LRRC37A: variants seen among roughly 807,000 people sequenced by gnomAD.
LRRC37A encodes the protein leucine rich repeat containing 37A.
A neutral mutation model predicts 35.4 loss-of-function variants in LRRC37A; 3 were observed. The ratio of observed to expected loss-of-function variants is 0.08; its 90% CI spans 0.04 to 0.22. The LOEUF is 0.22. Among genes scored for constraint, LRRC37A ranks in the 10% least tolerant of loss-of-function variants. The pLI, the probability that LRRC37A is intolerant of heterozygous loss-of-function variation, is 1.00. For synonymous variants in LRRC37A, 23 were observed against 215.0 expected, an observed-to-expected ratio of 0.11 and a Z score of 7.81; for missense variants, 67 against 565.3, an observed-to-expected ratio of 0.12 and a Z score of 8.94.
At chr17:46,259,303 G>A in the LRRC37A span, among the ~76,000 whole-genome samples, 1 of 151,338 alleles carries the variant, frequency 6.6e-6, no homozygotes, top group Non-Finnish European at 1.5e-5. Context: ...GGCCATGGAA[G>A]ATAACTGGGT....
At chr17:46,285,344 G>T in the LRRC37A span, among the ~76,000 whole-genome samples, 1 of 151,122 alleles carries the variant, frequency 6.6e-6, no homozygotes, top group Non-Finnish European at 1.5e-5. Flanking sequence ...GTGTTCAAGC[G>T]ATTCTCCTGC....
chr17:46,291,987 A>AAT (rs58343188), upstream of LRRC37A, among the ~76,000 whole-genome samples: 3 of 121,198 alleles, frequency 2.5e-5, no homozygotes, highest in African/African-American at 9.2e-5. Flanking sequence ...AAAAAAAAAA[A>AAT]GCCAATAAAA....
upstream of LRRC37A, among the ~76,000 whole-genome samples, chr17:46,287,888 G>T (rs1219211707): frequency 6.6e-6 from 1 of 152,252 alleles, no homozygotes; most frequent in Non-Finnish European, 1.5e-5. Context: ...AAAAGAAAAA[G>T]TAAATGTAAC....
At chr17:46,270,679 C>A in the LRRC37A span, among the ~76,000 whole-genome samples, 2 of 152,164 alleles carry the variant, frequency 1.3e-5, no homozygotes, top group Admixed American at 1.3e-4. Context: ...GAGACCAAGG[C>A]GGGTGGATCA....
At chr17:46,269,186 A>G in the LRRC37A span, among the ~76,000 whole-genome samples, 1 of 152,256 alleles carries the variant, frequency 6.6e-6, no homozygotes, top group Non-Finnish European at 1.5e-5. Context: ...ATGAAACGTC[A>G]TTTAGATCAA....
chr17:46,260,239 G>C, the LRRC37A span: 2 of 1,529,890 alleles, frequency 1.3e-6, no homozygotes, highest in African/African-American at 2.7e-5. Context: ...CACGAGCAGC[G>C]GGCAGGACGG....
Position 46,304,891 on chromosome 17 carries a change from C to T in LRRC37A, c.2754-618C>T, listed in dbSNP as rs527926992. On this transcript the variant is annotated intron_variant, in intron 3 of 13. Transcript: ENST00000320254. ...TGTTTGTTTGTTTGTTTGTTTGAGACGGAATCTCGCTCTGTCGCCCAGGCT... is the reference window on the plus strand; with the variant it reads ...TGTTTGTTTGTTTGTTTGTTTGAGATGGAATCTCGCTCTGTCGCCCAGGCT... 8.9e-5 allele frequency among the ~76,000 whole-genome samples: 6 copies of T among 67,098 alleles called. 1 individual carries two copies. The highest frequency in any genetic ancestry group is 2.3e-4 in the Non-Finnish European group (5 of 21,620). 44.0% of individuals were successfully genotyped at this position (67,098 alleles called of 152,430 possible). A position where few individuals can be genotyped will look rare whatever the true frequency, so the allele number is the denominator to read the frequency against.
At chr17:46,260,401 C>G in the LRRC37A span, 5 of 1,428,542 alleles carry the variant, frequency 3.5e-6, no homozygotes, top group South Asian at 1.2e-5. Flanking sequence ...AGCAGGATAG[C>G]TGGTGCTCAT....
At chr17:46,250,624 A>G in the LRRC37A span, among the ~76,000 whole-genome samples, 1 of 152,206 alleles carries the variant, frequency 6.6e-6, no homozygotes. Flanking sequence ...TGGAACTCAG[A>G]CTGGCTCTCC....
chr17:46,288,008 C>T (rs62073172), upstream of LRRC37A, among the ~76,000 whole-genome samples: 20,918 of 150,496 alleles, frequency 0.14, 1,874 homozygotes, highest in Non-Finnish European at 0.21. Flanking sequence ...CTGGCTTTGC[C>T]GATACCATTG....
the LRRC37A span, among the ~76,000 whole-genome samples, chr17:46,260,813 G>A: frequency 6.6e-6 from 1 of 152,042 alleles, no homozygotes; most frequent in Admixed American, 6.6e-5. Flanking sequence ...AGTAGAGACG[G>A]GGTTTCTCCC....
At chr17:46,266,890 ACG>A in the LRRC37A span, 2 of 327,254 alleles carry the variant, frequency 6.1e-6, no homozygotes, top group Non-Finnish European at 1.1e-5. Flanking sequence ...AAGCCCCGAG[ACG>A]CGCGCGCTCA....
At chr17:46,331,148 A>C (rs550966947) in exon 9 of LRRC37A, 1 of 734,408 alleles carries the variant, frequency 1.4e-6, no homozygotes, top group African/African-American at 1.7e-5. Context: ...TAGAGTTACA[A>C]ATACGAAGAC....
chr17:46,290,169 GC>G (rs1348329874), upstream of LRRC37A, among the ~76,000 whole-genome samples: 2 of 152,194 alleles, frequency 1.3e-5, no homozygotes, highest in Non-Finnish European at 2.9e-5. Context: ...TCACTTGATC[GC>G]CCCGGCTAGA....
At chr17:46,259,034 T>TA in the LRRC37A span, among the ~76,000 whole-genome samples, 1 of 121,044 alleles carries the variant, frequency 8.3e-6, no homozygotes, top group South Asian at 2.6e-4. Context: ...TTTTTTTTTT[T>TA]TTTTTTTTTT....
chr17:46,305,185 AT>A (rs2050500049), intron 3 of LRRC37A, among the ~76,000 whole-genome samples: 1 of 104,090 alleles, frequency 9.6e-6, no homozygotes. Flanking sequence ...TTTTTTTAAT[AT>A]TAGAAATTGT....
chr17:46,248,097 A>G, the LRRC37A span, among the ~76,000 whole-genome samples: 1 of 151,932 alleles, frequency 6.6e-6, no homozygotes, highest in Non-Finnish European at 1.5e-5. Context: ...ACGTGGGAAC[A>G]ACGCAAGTCC....
the LRRC37A span, among the ~76,000 whole-genome samples, chr17:46,275,959 T>C: frequency 6.6e-6 from 1 of 152,218 alleles, no homozygotes; most frequent in Admixed American, 6.5e-5. Context: ...GGCGCGATCT[T>C]GGCTCACTGC....
the LRRC37A span, chr17:46,275,473 G>A: frequency 1.4e-6 from 1 of 732,300 alleles, no homozygotes; most frequent in Admixed American, 2.2e-5. Flanking sequence ...TGAAAATGAT[G>A]CTTTATGCGG....
Sources: allele counts gnomAD v4.1 joint callset (sites outside exome capture counted in the v4.1 genomes callset), GRCh38; gene constraint gnomAD v4.1.1; transcripts MANE v1.5; gene names NCBI Gene and HGNC (gene_info 2026-07-23, HGNC 2026-07-21).